PDE2A: variants seen among roughly 807,000 people sequenced by gnomAD.
PDE2A encodes phosphodiesterase 2A.
Under a neutral mutation model 133.6 loss-of-function variants are expected in PDE2A, and 53 were observed. That is an observed-to-expected ratio of 0.40 (90% CI 0.32 to 0.50). The LOEUF (loss-of-function observed/expected upper bound fraction) is 0.50, where lower values mean the gene tolerates loss of function less well. PDE2A is among the 20% of genes least tolerant of loss of function. The pLI is 0.73. For synonymous variants in PDE2A, 491 were observed against 490.2 expected, an observed-to-expected ratio of 1.00 and a Z score of -0.02; for missense variants, 796 against 1,232.4, an observed-to-expected ratio of 0.65 and a Z score of 5.30.
At chr11:72,579,926 T>C (rs183787349) in intron 25 of PDE2A, 1 of 342,998 alleles carries the variant, frequency 2.9e-6, no homozygotes, top group East Asian at 4.8e-5. Flanking sequence ...CACCAAATCA[T>C]GCAGAACACA....
At chr11:72,646,317 A>T (rs549769156) in intron 1 of PDE2A, among the ~76,000 whole-genome samples, 4 of 152,278 alleles carry the variant, frequency 2.6e-5, no homozygotes, top group East Asian at 1.9e-4. Context: ...GACACCTCTC[A>T]TTGGTAGGGC....
At chr11:72,577,761 T>TC (rs1855533114) in intron 30 of PDE2A, among the ~76,000 whole-genome samples, 167 bp from the exon 31 acceptor site, 1 of 64,214 alleles carries the variant, frequency 1.6e-5, no homozygotes, top group Non-Finnish European at 3.1e-5. Flanking sequence ...TCACCTGAAG[T>TC]CAGGAGTTCA....
At chr11:72,671,323 G>C (rs528679642) in intron 1 of PDE2A, among the ~76,000 whole-genome samples, 1 of 152,316 alleles carries the variant, frequency 6.6e-6, no homozygotes, top group African/African-American at 2.4e-5. Context: ...TTGAGTGGTT[G>C]AATGAATGAA....
chr11:72,600,663 A>G (rs1182623371), intron 4 of PDE2A, among the ~76,000 whole-genome samples: 1 of 152,078 alleles, frequency 6.6e-6, no homozygotes, highest in Non-Finnish European at 1.5e-5. Flanking sequence ...CTCAACTCAG[A>G]GCCGCTCCCT....
intron 2 of PDE2A, among the ~76,000 whole-genome samples, chr11:72,616,458 A>G (rs897405069): frequency 1.3e-5 from 2 of 152,190 alleles, no homozygotes; most frequent in African/African-American, 4.8e-5. Context: ...AGCATTACCC[A>G]GCCCCTCATA....
chr11:72,636,272 T>C, intron 2 of PDE2A: 1 of 240,082 alleles, frequency 4.2e-6, no homozygotes, highest in Non-Finnish European at 7.0e-6. Flanking sequence ...AGCTGAGGCT[T>C]ACAATTTACA....
In PDE2A at chr11:72,582,558, A is replaced by G. The variant is rs4944557; in HGVS notation, c.1737T>C (p.Asp579=). Reference sequence around the variant, plus strand: ...CATGGAGAAGTTTGGTATACTCATCATCGGAGACCTAGAGGAGACCAGCCA... The same window carrying G: ...CATGGAGAAGTTTGGTATACTCATCGTCGGAGACCTAGAGGAGACCAGCCA... ...EMMMYHMKVS[D]DEYTKLLHDG... is the part of the protein sequence containing the mutation. Residue 579 remains aspartate, a synonymous_variant, in exon 21 of 31, where the codon GAT becomes GAC. Coordinates refer to ENST00000334456, the MANE Select transcript of PDE2A (RefSeq NM_002599.5). 0.99 allele frequency: 1,600,706 copies of G among 1,613,140 alleles called. 794,936 individuals are homozygous for G. The highest frequency in any genetic ancestry group is 1 in the Non-Finnish European group (1,179,140 of 1,179,456).
Position 72,592,902 on chromosome 11 carries a change from G to T in PDE2A, c.490-1546C>A, listed in dbSNP as rs539023700. On this transcript the variant is annotated intron_variant, in intron 6 of 30. Transcript: ENST00000334456. ...ACAGCGGGGGCGGGAGGGAGGAGAA[G>T]CTGGGGCTATGGTTCATTTGCATAT... 2.6e-5 allele frequency among the ~76,000 whole-genome samples: 4 copies of T among 152,148 alleles called. No individual in the cohort carries two copies. The South Asian group carries it at 8.3e-4, about 32-fold the overall frequency.
intron 2 of PDE2A, among the ~76,000 whole-genome samples, chr11:72,622,217 T>C (rs1857806541): frequency 6.6e-6 from 1 of 151,986 alleles, no homozygotes; most frequent in Non-Finnish European, 1.5e-5. Flanking sequence ...AAATAACACA[T>C]GTTGGCAAGG....
At chr11:72,596,705 C>G in intron 5 of PDE2A, 57 bp from the exon 6 acceptor site, 2 of 1,159,100 alleles carry the variant, frequency 1.7e-6, no homozygotes, top group Non-Finnish European at 1.2e-6. Flanking sequence ...TCAGAGATAC[C>G]GAGCCGGGAC....
chr11:72,581,094 C>A, intron 23 of PDE2A, 121 bp from the exon 24 acceptor site: 1 of 774,884 alleles, frequency 1.3e-6, no homozygotes, highest in East Asian at 2.6e-5. Context: ...GGTTGGAACA[C>A]CTGGGTTCCC....
At chr11:72,592,778 G>A (rs1259185964) in intron 6 of PDE2A, among the ~76,000 whole-genome samples, 3 of 152,076 alleles carry the variant, frequency 2.0e-5, no homozygotes, top group Non-Finnish European at 4.4e-5. Context: ...ATTTGAGGGA[G>A]GGAGATTGGA....
intron 2 of PDE2A, among the ~76,000 whole-genome samples, chr11:72,620,104 C>A (rs1857684302): frequency 6.6e-6 from 1 of 152,176 alleles, no homozygotes; most frequent in Non-Finnish European, 1.5e-5. Flanking sequence ...CAAGGTATAG[C>A]CTGCACGGTT....
chr11:72,582,661 C>T (rs189767402), intron 20 of PDE2A, 95 bp from the exon 21 acceptor site: 74 of 1,260,870 alleles, frequency 5.9e-5, no homozygotes, highest in Non-Finnish European at 5.7e-5. Context: ...ATCCGTCACC[C>T]AGAATGTACC....
chr11:72,637,523 C>T (rs186076362), intron 2 of PDE2A, among the ~76,000 whole-genome samples: 1 of 152,234 alleles, frequency 6.6e-6, no homozygotes, highest in Non-Finnish European at 1.5e-5. Flanking sequence ...GTAAGAATCC[C>T]TGGGCTGAGT....
chr11:72,586,342 C>A (rs1319803077), intron 13 of PDE2A, among the ~76,000 whole-genome samples, 161 bp from the exon 14 acceptor site: 3 of 152,304 alleles, frequency 2.0e-5, no homozygotes. Context: ...CATGACCCTG[C>A]AGACTGGGGG....
intron 2 of PDE2A, among the ~76,000 whole-genome samples, chr11:72,620,772 G>A (rs1001119065): frequency 6.6e-6 from 1 of 152,082 alleles, no homozygotes; most frequent in African/African-American, 2.4e-5. Context: ...TGGGCTGGAG[G>A]CTGACAGTGG....
chr11:72,617,500 C>T (rs1857533542), intron 2 of PDE2A, among the ~76,000 whole-genome samples: 2 of 152,246 alleles, frequency 1.3e-5, no homozygotes, highest in South Asian at 4.1e-4. Flanking sequence ...CTCTCTCTGT[C>T]TGTGCTCTGC....
In PDE2A at chr11:72,578,420, T is replaced by A; in HGVS notation, c.2508+56A>T. ...GTCAGGCTAGTTCAAGCCCTCCCTG[T>A]CCCAGGCCAGGAACCCTCCCCCATC... On this transcript the variant is annotated intron_variant, in intron 29 of 30. Transcript: ENST00000334456. This position sits in a 1 kb window ranked among gnomAD's most constrained non-coding sequence, Gnocchi z 4.2. 1 of 1,577,478 alleles carries A rather than the reference T, an allele frequency of 6.3e-7. No homozygotes were observed. Among genetic ancestry groups the A allele is most frequent in the South Asian group, 1.1e-5 (1 of 90,382 alleles).
Sources: allele counts gnomAD v4.1 joint callset (sites outside exome capture counted in the v4.1 genomes callset), GRCh38; gene constraint gnomAD v4.1.1; non-coding constraint Gnocchi (gnomAD v3.1); transcripts MANE v1.5; gene names NCBI Gene and HGNC (gene_info 2026-07-23, HGNC 2026-07-21).